LAMA2: variants seen among roughly 807,000 people sequenced by gnomAD.
The protein encoded by LAMA2 is laminin subunit alpha-2.
Under a neutral mutation model 364.8 loss-of-function variants are expected in LAMA2, and 269 were observed. That is an observed-to-expected ratio of 0.74 (90% confidence interval 0.67 to 0.82). LAMA2 has a LOEUF of 0.82. Ranked by LOEUF, LAMA2 falls within the 40% of genes least tolerant of loss-of-function variation. LAMA2 has a pLI of 0.00. For missense variants in LAMA2, 3,807 were observed against 3,873.2 expected (o/e 0.98, Z 0.45); for synonymous variants, 1,379 against 1,370.6 (o/e 1.01, Z -0.14).
chr6:128,985,675 C>T (rs1190049430), intron 1 of LAMA2, among the ~76,000 whole-genome samples: 1 of 152,034 alleles, frequency 6.6e-6, no homozygotes, highest in Non-Finnish European at 1.5e-5. Context: ...CACCCATCAA[C>T]TAATTTTTTT....
intron 1 of LAMA2, among the ~76,000 whole-genome samples, chr6:128,941,268 A>G (rs1044074785): frequency 6.6e-6 from 1 of 152,310 alleles, no homozygotes; most frequent in East Asian, 1.9e-4. Context: ...CTGATTGTCT[A>G]TTGGTTACCC....
At chr6:128,940,551 G>A (rs988335480) in intron 1 of LAMA2, among the ~76,000 whole-genome samples, 1 of 152,178 alleles carries the variant, frequency 6.6e-6, no homozygotes, top group Non-Finnish European at 1.5e-5. Flanking sequence ...GCATTCATGA[G>A]TGAATAAAGA....
chr6:129,169,163 T>C (rs903510507), intron 9 of LAMA2, among the ~76,000 whole-genome samples: 10 of 150,638 alleles, frequency 6.6e-5, no homozygotes, highest in Non-Finnish European at 1.3e-4. Context: ...TTCCTTCTCC[T>C]GCCTAATTGC....
intron 1 of LAMA2, among the ~76,000 whole-genome samples, chr6:128,972,881 G>T (rs993596641): frequency 1.1e-4 from 16 of 152,126 alleles, no homozygotes; most frequent in African/African-American, 3.9e-4. Flanking sequence ...TCTTGTAATG[G>T]CTTTCCAATA....
At chr6:129,294,512 T>A (rs978416064) in intron 20 of LAMA2, among the ~76,000 whole-genome samples, 14 of 152,292 alleles carry the variant, frequency 9.2e-5, no homozygotes, top group African/African-American at 3.4e-4. Context: ...GCCTCTTTTA[T>A]AAGTGCAGTG....
intron 1 of LAMA2, among the ~76,000 whole-genome samples, chr6:128,985,134 A>G (rs546843325): frequency 1.3e-5 from 2 of 152,256 alleles, no homozygotes; most frequent in African/African-American, 4.8e-5. Context: ...CATGATGTGC[A>G]TGGTCCTGAA....
intron 30 of LAMA2, among the ~76,000 whole-genome samples, chr6:129,346,158 TCCAGTGC>T (rs1285332225): frequency 6.6e-6 from 1 of 152,120 alleles, no homozygotes; most frequent in Non-Finnish European, 1.5e-5. Context: ...CTTAGAAGTT[TCCAGTGC>T]CTTCCCAAGG....
chr6:129,024,432 G>A (rs1231023644), intron 1 of LAMA2, among the ~76,000 whole-genome samples: 6 of 147,058 alleles, frequency 4.1e-5, no homozygotes, highest in Non-Finnish European at 8.9e-5. Flanking sequence ...TGCCCAGGCT[G>A]GTGTGCAATG....
intron 1 of LAMA2, among the ~76,000 whole-genome samples, chr6:128,891,988 G>A (rs1302363697): frequency 1.3e-5 from 2 of 151,986 alleles, no homozygotes; most frequent in Non-Finnish European, 2.9e-5. Context: ...AGTCAACGGA[G>A]TTAAATTTTC....
intron 1 of LAMA2, among the ~76,000 whole-genome samples, chr6:128,891,870 C>G (rs1776474784): frequency 6.6e-6 from 1 of 151,968 alleles, no homozygotes; most frequent in Non-Finnish European, 1.5e-5. Context: ...TTTCCACATA[C>G]AGTACTCTTC....
At chr6:128,908,262 T>C (rs1451782484) in intron 1 of LAMA2, among the ~76,000 whole-genome samples, 1 of 151,774 alleles carries the variant, frequency 6.6e-6, no homozygotes, top group African/African-American at 2.4e-5. Flanking sequence ...ATCCATCTGG[T>C]CCTGGACTCT....
intron 40 of LAMA2, among the ~76,000 whole-genome samples, chr6:129,418,598 A>AT (rs1000565517): frequency 7.9e-5 from 12 of 151,462 alleles, no homozygotes; most frequent in Admixed American, 3.9e-4. Flanking sequence ...GTCATATAGG[A>AT]TTTTTTTTTA....
At chr6:128,892,850 A>C (rs1407938465) in intron 1 of LAMA2, among the ~76,000 whole-genome samples, 3 of 151,924 alleles carry the variant, frequency 2.0e-5, no homozygotes, top group Non-Finnish European at 4.4e-5. Context: ...CTATTAAAAA[A>C]ACCACCAAAA....
At chr6:129,436,298 C>A (rs1781830459) in intron 41 of LAMA2, among the ~76,000 whole-genome samples, 1 of 152,082 alleles carries the variant, frequency 6.6e-6, no homozygotes, top group Admixed American at 6.6e-5. Context: ...CTCCCACCAG[C>A]CCCTACCATG....
At chr6:129,045,315 T>C (rs151209695) in intron 1 of LAMA2, among the ~76,000 whole-genome samples, 69 of 152,342 alleles carry the variant, frequency 4.5e-4, no homozygotes, top group African/African-American at 1.6e-3. Flanking sequence ...TAGAAAACTC[T>C]ATGAAGCAAC....
intron 12 of LAMA2, among the ~76,000 whole-genome samples, chr6:129,217,479 A>G (rs1415633215): frequency 6.6e-6 from 1 of 152,166 alleles, no homozygotes; most frequent in Non-Finnish European, 1.5e-5. Context: ...TCAACAGGCT[A>G]CCTTCTGTAA....
At chr6:129,331,152 A>G (rs1775629888) in intron 29 of LAMA2, among the ~76,000 whole-genome samples, 1 of 152,080 alleles carries the variant, frequency 6.6e-6, no homozygotes, top group Non-Finnish European at 1.5e-5. Context: ...CTGGGACTAC[A>G]GGCGTAAGCC....
intron 4 of LAMA2, among the ~76,000 whole-genome samples, chr6:129,139,073 G>C (rs564026318): frequency 6.6e-6 from 1 of 152,104 alleles, no homozygotes; most frequent in Non-Finnish European, 1.5e-5. Flanking sequence ...TGTGAAGGAC[G>C]TTGGTGACTT....
intron 28 of LAMA2, among the ~76,000 whole-genome samples, chr6:129,327,275 ATTTGTCTC>A (rs1224877494): frequency 1.2e-4 from 18 of 152,062 alleles, no homozygotes; most frequent in African/African-American, 3.4e-4. Context: ...TTCTTTGTAT[ATTTGTCTC>A]TGGACTGTCT....
Sources: gnomAD v4.1 joint callset for allele counts (sites outside exome capture counted in the v4.1 genomes callset) on GRCh38, gnomAD v4.1.1 for gene constraint, MANE v1.5 for transcripts, NCBI Gene and HGNC (gene_info 2026-07-23, HGNC 2026-07-21) for gene names.